Variants in STK38L observed in about 807,000 individuals in gnomAD.
STK38L encodes the protein serine/threonine-protein kinase 38-like.
Under a neutral mutation model 59.7 loss-of-function variants are expected in STK38L, and 28 were observed. The ratio of observed to expected loss-of-function variants is 0.47; its 90% CI spans 0.35 to 0.64. The LOEUF (loss-of-function observed/expected upper bound fraction) is 0.64. STK38L is among the 30% of genes least tolerant of loss of function. The pLI is 0.01. For synonymous variants in STK38L, 162 were observed against 176.8 expected (o/e 0.92, Z 0.66); for missense variants, 314 against 555.8 (o/e 0.56, Z 4.37).
intron 1 of STK38L, among the ~76,000 whole-genome samples, chr12:27,287,567 G>T (rs1458235351): frequency 6.6e-6 from 1 of 152,052 alleles, no homozygotes; most frequent in African/African-American, 2.4e-5. Flanking sequence ...TTTTAAGAAA[G>T]CTCATTCCTT....
chr12:27,296,025 A>C (rs1217616830), intron 1 of STK38L, among the ~76,000 whole-genome samples: 1 of 152,226 alleles, frequency 6.6e-6, no homozygotes, highest in Non-Finnish European at 1.5e-5. Flanking sequence ...AGCAAGTTGG[A>C]ATCCTGACTC....
At chr12:27,258,152 C>T (rs531044234) in intron 1 of STK38L, among the ~76,000 whole-genome samples, 38 of 151,980 alleles carry the variant, frequency 2.5e-4, no homozygotes, top group Non-Finnish European at 4.6e-4. Context: ...CCACCATGCC[C>T]GGCCTATGTC....
chr12:27,257,937 C>G (rs1253747867), intron 1 of STK38L, among the ~76,000 whole-genome samples: 1 of 151,290 alleles, frequency 6.6e-6, no homozygotes, highest in Non-Finnish European at 1.5e-5. Context: ...TCTTAGCTCA[C>G]TGCAACTTCT....
chr12:27,297,943 G>T (rs904235961), intron 2 of STK38L, 89 bp downstream of exon 2: 17 of 1,459,232 alleles, frequency 1.2e-5, no homozygotes, highest in Non-Finnish European at 1.5e-5. Context: ...TGAATGATAT[G>T]AATATTATGG....
Position 27,319,427 on chromosome 12 carries a change from T to C in STK38L, c.1175+4T>C. ...GTGTCGACTGGGAGCACATAAGGTATGTTCCTAGGCTTTGAATGGGAAAGG... is the reference window on the plus strand; with the variant it reads ...GTGTCGACTGGGAGCACATAAGGTACGTTCCTAGGCTTTGAATGGGAAAGG... On this transcript the variant is annotated splice_donor_region_variant and intron_variant, in intron 12 of 13. Coordinates refer to ENST00000389032, the MANE Select transcript of STK38L (RefSeq NM_015000.4). 2 of 1,610,080 alleles carry C rather than the reference T, an allele frequency of 1.2e-6. No homozygotes were observed. Among genetic ancestry groups the C allele is most frequent in the Admixed American group, 1.7e-5 (1 of 59,820 alleles).
rs1162621944 is a variant in STK38L, at chr12:27,314,604, G to A, written c.618G>A (p.Gln206=). 1.2e-6 allele frequency: 2 copies of A among 1,609,338 alleles called. No homozygotes were observed. The highest frequency in any genetic ancestry group is 1.1e-5 in the South Asian group (1 of 90,390). The part of the protein sequence containing the change: ...ETVLAIDAIH[Q]LGFIHRDIKP... ...TTCTGGCAATAGATGCGATCCACCA[G>A]TTGGGTTTCATCCATCGGGATATTA... The change falls in exon 7 of 14, where the codon CAG becomes CAA. Residue 206 remains glutamine, a synonymous_variant. Coordinates refer to ENST00000389032, the MANE Select transcript of STK38L (RefSeq NM_015000.4).
chr12:27,258,969 C>CTT (rs10636389), intron 1 of STK38L, among the ~76,000 whole-genome samples: 120,277 of 151,994 alleles, frequency 0.79, 47,654 homozygotes, highest in Non-Finnish European at 0.82. Flanking sequence ...GCCCATCTCT[C>CTT]TTCCTCTCAG....
chr12:27,258,833 G>C (rs1768101498), intron 1 of STK38L, among the ~76,000 whole-genome samples: 1 of 152,040 alleles, frequency 6.6e-6, no homozygotes, highest in African/African-American at 2.4e-5. Flanking sequence ...TTTTGATAAG[G>C]ATGTTGGAAA....
At chr12:27,272,651 A>G (rs558123342) in intron 1 of STK38L, among the ~76,000 whole-genome samples, 1 of 152,230 alleles carries the variant, frequency 6.6e-6, no homozygotes, top group Non-Finnish European at 1.5e-5. Flanking sequence ...GGGTGGGATC[A>G]TCTTGTCAAC....
intron 2 of STK38L, among the ~76,000 whole-genome samples, chr12:27,299,365 C>T (rs1249745203): frequency 6.6e-6 from 1 of 152,068 alleles, no homozygotes; most frequent in Non-Finnish European, 1.5e-5. Context: ...GAAGACTTGA[C>T]ATATCTCTAA....
intron 1 of STK38L, among the ~76,000 whole-genome samples, chr12:27,263,516 T>C (rs1408325454): frequency 6.6e-6 from 1 of 152,196 alleles, no homozygotes; most frequent in African/African-American, 2.4e-5. Flanking sequence ...GAACTCTGTC[T>C]CCATTATCCC....
At chr12:27,285,477 C>G (rs977845210) in intron 1 of STK38L, among the ~76,000 whole-genome samples, 1 of 152,172 alleles carries the variant, frequency 6.6e-6, no homozygotes, top group African/African-American at 2.4e-5. Context: ...GCCTCACTCT[C>G]TATCTCTCAT....
rs1349242111 is a variant in STK38L at position 27,325,100 on chromosome 12, GT to G, written c.*2647del. 1 of 151,952 alleles carries G rather than the reference GT, an allele frequency of 6.6e-6. No homozygotes were observed. Among genetic ancestry groups the G allele is most frequent in the African/African-American group, 2.4e-5 (1 of 41,420 alleles). The allele number at this position is 151,952 out of a possible 1,614,324, so 9.4% of individuals were successfully genotyped here. A position where few individuals can be genotyped will look rare whatever the true frequency, so the allele number is the denominator to read the frequency against. ...AAACCTTTGTATTAAAGCAAGTTAT[GT>G]TATTTTTCTTTTATGCATTTATTAC... On this transcript the variant is annotated 3_prime_UTR_variant, in exon 14 of 14. Transcript: ENST00000389032.
intron 1 of STK38L, among the ~76,000 whole-genome samples, chr12:27,252,337 A>G (rs1029587589): frequency 2.0e-5 from 3 of 152,190 alleles, no homozygotes; most frequent in African/African-American, 4.8e-5. Context: ...ATAAGCTGCA[A>G]GTAGTATTCA....
chr12:27,318,049 T>C (rs753200842), intron 11 of STK38L, 30 bp downstream of exon 11: 5 of 1,611,618 alleles, frequency 3.1e-6, no homozygotes, highest in Non-Finnish European at 4.2e-6. Context: ...GAGGAGTTCA[T>C]AGTGTCTTAA....
At chr12:27,250,448 A>C (rs1057476905) in intron 1 of STK38L, among the ~76,000 whole-genome samples, 4 of 152,124 alleles carry the variant, frequency 2.6e-5, no homozygotes, top group African/African-American at 9.7e-5. Flanking sequence ...TTTCCCTCTT[A>C]AATGTTCTTG....
intron 5 of STK38L, among the ~76,000 whole-genome samples, chr12:27,310,467 A>G (rs1944428391): frequency 6.6e-6 from 1 of 152,192 alleles, no homozygotes; most frequent in Non-Finnish European, 1.5e-5. Flanking sequence ...AGAAGGAAGC[A>G]GTTAGTTCCA....
rs1217313868 is a variant in STK38L, at chr12:27,303,095, C to T, written c.186+907C>T. ...CTCTCTAGCCTCATCTCTTGTCACC[C>T]GCCCCCGACGCTGACAAGTATGAAT... is the stretch of plus-strand genomic sequence containing the variant. On this transcript the variant is annotated intron_variant, in intron 3 of 13. Coordinates refer to ENST00000389032, the MANE Select transcript of STK38L (RefSeq NM_015000.4). Among the ~76,000 whole-genome samples, 5 of 151,840 alleles carry T rather than the reference C, an allele frequency of 3.3e-5. No individual in the cohort carries two copies. In the East Asian group the frequency reaches 7.7e-4, roughly 23 times the overall value.
intron 11 of STK38L, among the ~76,000 whole-genome samples, chr12:27,318,423 G>A (rs1944639782): frequency 6.6e-6 from 1 of 152,188 alleles, no homozygotes; most frequent in Non-Finnish European, 1.5e-5. Context: ...GCTGTGAATG[G>A]CTGGAAGGAA....
Sources: gnomAD v4.1 joint callset for allele counts (sites outside exome capture counted in the v4.1 genomes callset) on GRCh38, gnomAD v4.1.1 for gene constraint, MANE v1.5 for transcripts, NCBI Gene and HGNC (gene_info 2026-07-23, HGNC 2026-07-21) for gene names.